The following PPM1E variants were observed in gnomAD, a reference collection of about 807,000 sequenced individuals.
PPM1E encodes protein phosphatase, Mg2+/Mn2+ dependent 1E, also known as protein phosphatase 1E.
In PPM1E, 20 loss-of-function variants were observed where a neutral mutation model predicts 65.9. That is an observed-to-expected ratio of 0.30 (90% CI 0.21 to 0.44). The LOEUF is 0.44. PPM1E is among the 20% of genes least tolerant of loss of function. PPM1E has a pLI of 1.00. For missense variants in PPM1E, 713 were observed against 953.1 expected (o/e 0.75, Z 3.32); for synonymous variants, 352 against 374.9 (o/e 0.94, Z 0.70).
intron 3 of PPM1E, among the ~76,000 whole-genome samples, chr17:58,968,817 C>A (rs2143697828): frequency 6.6e-6 from 1 of 152,246 alleles, no homozygotes; most frequent in East Asian, 1.9e-4. Context: ...GTTGGAAGAT[C>A]CTCCTCTGGC....
At chr17:58,865,917 A>T (rs930323028) in intron 1 of PPM1E, among the ~76,000 whole-genome samples, 2 of 152,210 alleles carry the variant, frequency 1.3e-5, no homozygotes, top group African/African-American at 4.8e-5. Context: ...TGCTGAGACA[A>T]AGAAGGCCAT....
intron 1 of PPM1E, among the ~76,000 whole-genome samples, chr17:58,832,466 A>G (rs1351018331): frequency 6.6e-6 from 1 of 152,226 alleles, no homozygotes; most frequent in Non-Finnish European, 1.5e-5. Flanking sequence ...TAAAGCTTCT[A>G]CTACTTCTAT....
chr17:58,934,822 G>T (rs1195368130), intron 1 of PPM1E, among the ~76,000 whole-genome samples: 2 of 151,832 alleles, frequency 1.3e-5, no homozygotes, highest in Non-Finnish European at 2.9e-5. Context: ...AGCTACTCAG[G>T]AGGCTGAGGC....
chr17:58,945,175 C>T (rs1033454279), intron 1 of PPM1E, among the ~76,000 whole-genome samples: 10 of 149,414 alleles, frequency 6.7e-5, no homozygotes, highest in South Asian at 4.2e-4. Context: ...GACTGAGTCT[C>T]ACTCTGTCAT....
At chr17:58,935,258 A>G (rs1381866900) in intron 1 of PPM1E, among the ~76,000 whole-genome samples, 1 of 152,212 alleles carries the variant, frequency 6.6e-6, no homozygotes, top group Non-Finnish European at 1.5e-5. Context: ...TCAAAAAAAA[A>G]AAAAATGGCT....
chr17:58,947,040 A>G (rs540411594), intron 1 of PPM1E, among the ~76,000 whole-genome samples: 4 of 148,926 alleles, frequency 2.7e-5, no homozygotes, highest in African/African-American at 7.4e-5. Flanking sequence ...ATTATTTTGC[A>G]TGTGGATATC....
chr17:58,857,441 C>T (rs1283626896), intron 1 of PPM1E, among the ~76,000 whole-genome samples: 1 of 152,006 alleles, frequency 6.6e-6, no homozygotes, highest in African/African-American at 2.4e-5. Context: ...CCTCTACTTG[C>T]TTAGTTGACT....
At chr17:58,784,643 G>A (rs972759920) in intron 1 of PPM1E, among the ~76,000 whole-genome samples, 3 of 151,678 alleles carry the variant, frequency 2.0e-5, no homozygotes, top group African/African-American at 4.8e-5. Context: ...TCCTGCCTCA[G>A]CCTCCTGAGT....
At chr17:58,964,558 G>A (rs888515517) in intron 2 of PPM1E, among the ~76,000 whole-genome samples, 3 of 152,074 alleles carry the variant, frequency 2.0e-5, no homozygotes, top group African/African-American at 7.2e-5. Flanking sequence ...GAAGCGGTAG[G>A]TTTAGGGTCA....
chr17:58,891,513 C>T (rs932211860), intron 1 of PPM1E, among the ~76,000 whole-genome samples: 29 of 151,678 alleles, frequency 1.9e-4, no homozygotes, highest in African/African-American at 6.3e-4. Flanking sequence ...TTAGTAGAGA[C>T]GGGGTTTCAC....
intron 1 of PPM1E, among the ~76,000 whole-genome samples, chr17:58,821,524 G>A (rs962691592): frequency 5.3e-5 from 8 of 152,048 alleles, no homozygotes; most frequent in South Asian, 2.1e-4. Context: ...TCCAATAGGC[G>A]CCACTCAGAG....
chr17:58,980,214 T>C lies in PPM1E; in HGVS notation c.1451T>C (p.Ile484Thr). 1 of 1,614,158 alleles carries C rather than the reference T, an allele frequency of 6.2e-7. No homozygotes were observed. The highest frequency in any genetic ancestry group is 8.5e-7 in the Non-Finnish European group (1 of 1,180,026). ...GGGTCAAGTGATAACATCACGGTTA[T>C]TGTGGTATTCCTGAGGGACATGAAC... Reference protein sequence around the residue: ...DAGSSDNITVIVVFLRDMNKA... With the variant: ...DAGSSDNITVTVVFLRDMNKA... Residue 484 changes from isoleucine (I) to threonine (T), a missense_variant, in exon 7 of 7, where the codon ATT becomes ACT. Ile to Thr is a moderately conservative substitution (Grantham distance 89, BLOSUM62 -1). Transcript: ENST00000308249. This position sits in a 1 kb window ranked among gnomAD's most constrained non-coding sequence, Gnocchi z 4.7.
intron 1 of PPM1E, among the ~76,000 whole-genome samples, chr17:58,949,451 T>G (rs1412531740): frequency 6.6e-6 from 1 of 152,170 alleles, no homozygotes. Context: ...TTTTGTTTGT[T>G]TGCTTTGTTG....
At chr17:58,948,186 A>G (rs2052188516) in intron 1 of PPM1E, among the ~76,000 whole-genome samples, 2 of 152,208 alleles carry the variant, frequency 1.3e-5, no homozygotes, top group South Asian at 2.1e-4. Context: ...TAGATTAGGA[A>G]GGGAAACAGA....
intron 1 of PPM1E, among the ~76,000 whole-genome samples, chr17:58,924,200 G>A (rs1440763848): frequency 6.7e-6 from 1 of 149,040 alleles, no homozygotes; most frequent in Non-Finnish European, 1.5e-5. Context: ...CATTACAGGT[G>A]TGAGCCACTG....
Position 58,796,811 on chromosome 17 carries a change from T to TA in PPM1E, c.464+40353dup, listed in dbSNP as rs111494852. On this transcript the variant is annotated intron_variant, in intron 1 of 6. Coordinates refer to ENST00000308249, the MANE Select transcript of PPM1E (RefSeq NM_014906.5). ...ATCCATTTTGTTTTTGGTTGCATTT[T>TA]AAAGTAAGCTGTGGCCAGCCATGGT... Among the ~76,000 whole-genome samples, 1,397 of 152,256 alleles carry TA rather than the reference T, an allele frequency of 9.2e-3. 26 individuals carry two copies. Among genetic ancestry groups the TA allele is most frequent in the African/African-American group, 0.031 (1,292 of 41,564 alleles).
chr17:58,874,994 A>G (rs1418835148), intron 1 of PPM1E, among the ~76,000 whole-genome samples: 1 of 152,076 alleles, frequency 6.6e-6, no homozygotes, highest in East Asian at 1.9e-4. Context: ...GTAAGAGGCA[A>G]CCTCTCATGA....
At chr17:58,885,954 A>G (rs958292155) in intron 1 of PPM1E, among the ~76,000 whole-genome samples, 6 of 152,156 alleles carry the variant, frequency 3.9e-5, no homozygotes, top group African/African-American at 1.4e-4. Flanking sequence ...CTCACTACCC[A>G]CTGGGTACTT....
At chr17:58,794,704 G>A (rs975649676) in intron 1 of PPM1E, among the ~76,000 whole-genome samples, 2 of 152,002 alleles carry the variant, frequency 1.3e-5, no homozygotes, top group African/African-American at 4.8e-5. Context: ...TAGGATAATG[G>A]CCTTGAGCTC....
Sources: gnomAD v4.1 joint callset for allele counts (sites outside exome capture counted in the v4.1 genomes callset) on GRCh38, gnomAD v4.1.1 for gene constraint, Gnocchi (gnomAD v3.1) non-coding constraint, MANE v1.5 for transcripts, NCBI Gene and HGNC (gene_info 2026-07-23, HGNC 2026-07-21) for gene names.